SYN2: variants seen among roughly 807,000 people sequenced by gnomAD.
SYN2 encodes synapsin-2.
Under a neutral mutation model 50.9 loss-of-function variants are expected in SYN2, and 19 were observed. The observed-to-expected ratio is 0.37, with a 90% CI of 0.26 to 0.55. The LOEUF (loss-of-function observed/expected upper bound fraction) is 0.55. SYN2 is among the 20% of genes least tolerant of loss of function. SYN2 has a pLI of 0.81. For synonymous variants in SYN2, 255 were observed against 224.9 expected, an observed-to-expected ratio of 1.13 and a Z score of -1.20; for missense variants, 587 against 576.4, an observed-to-expected ratio of 1.02 and a Z score of -0.19.
chr3:12,059,604 G>A lies in SYN2; in HGVS notation c.377+54676G>A, dbSNP rs964818310. Among the ~76,000 whole-genome samples the A allele has an allele frequency of 2.6e-5, 4 of 151,886 alleles. No homozygotes were observed. The East Asian group carries it at 7.7e-4, about 29-fold the overall frequency. On this transcript the variant is annotated intron_variant, in intron 1 of 12. Transcript: ENST00000621198. ...TCTGGGTTTCTGAAAAACAACTCAG[G>A]GACATACGTTAAGATGTTATCTTTA...
In SYN2 at chr3:12,137,225, G is replaced by A. The variant is rs142925738; in HGVS notation, c.378-3426G>A. Among the ~76,000 whole-genome samples the A allele has an allele frequency of 2.3e-4, 34 of 147,040 alleles. No individual in the cohort carries two copies. In the East Asian group the frequency reaches 6.4e-3, roughly 28 times the overall value. ...ATTGCACCACTGCACTCTAGCCCGC[G>A]CAACAGAGCAAGATCCTGTCTCAAA... On this transcript the variant is annotated intron_variant, in intron 1 of 12. Coordinates refer to ENST00000621198, the MANE Select transcript of SYN2 (RefSeq NM_133625.6).
At chr3:12,031,906 A>G (rs1245057792) in intron 1 of SYN2, among the ~76,000 whole-genome samples, 3 of 125,636 alleles carry the variant, frequency 2.4e-5, no homozygotes, top group African/African-American at 8.4e-5. Flanking sequence ...GTTATGTGTG[A>G]ATTTGATCCT....
chr3:12,090,380 C>T lies in SYN2; in HGVS notation c.378-50271C>T, dbSNP rs955835140. On this transcript the variant is annotated intron_variant, in intron 1 of 12. Transcript: ENST00000621198. ...ATCCCATGGGAGCATCAAACACAAA[C>T]ACTAAGTTAATGTAACTTAGAGTAG... 2.3e-4 allele frequency among the ~76,000 whole-genome samples: 6 copies of T among 26,078 alleles called. No individual in the cohort carries two copies. The Admixed American group carries it at 2.6e-3, about 11-fold the overall frequency. 17.1% of individuals were successfully genotyped at this position (26,078 alleles called of 152,430 possible).
intron 1 of SYN2, among the ~76,000 whole-genome samples, chr3:12,067,522 G>A (rs996308860): frequency 4.6e-5 from 7 of 151,894 alleles, no homozygotes; most frequent in Admixed American, 1.3e-4. Context: ...TTAATTGGCC[G>A]GGTGTGGTGG....
At chr3:12,180,236 G>C (rs557485699) in intron 10 of SYN2, among the ~76,000 whole-genome samples, 1 of 127,108 alleles carries the variant, frequency 7.9e-6, no homozygotes, top group Admixed American at 9.2e-5. Flanking sequence ...GGCGTGAGCC[G>C]CACCCAGCTG....
intron 1 of SYN2, chr3:12,070,456 G>GCAT: frequency 6.9e-6 from 4 of 577,084 alleles, no homozygotes; most frequent in South Asian, 4.3e-5. Context: ...ATTGAGCGTG[G>GCAT]CATCGTCATC....
At chr3:12,023,904 G>A (rs1694199904) in intron 1 of SYN2, among the ~76,000 whole-genome samples, 1 of 152,110 alleles carries the variant, frequency 6.6e-6, no homozygotes, top group African/African-American at 2.4e-5. Context: ...TGTCTTGAGA[G>A]TGTAGTCCTG....
chr3:12,125,108 G>A (rs1327468970), intron 1 of SYN2, among the ~76,000 whole-genome samples: 2 of 151,774 alleles, frequency 1.3e-5, no homozygotes, highest in African/African-American at 2.4e-5. Context: ...TCCGCCTCCC[G>A]GGTTCAAGTG....
At chr3:12,134,117 T>C (rs1288271841) in intron 1 of SYN2, among the ~76,000 whole-genome samples, 7 of 152,236 alleles carry the variant, frequency 4.6e-5, no homozygotes, top group Admixed American at 4.6e-4. Flanking sequence ...GTTTTGCCAC[T>C]GTAAATCATA....
intron 10 of SYN2, among the ~76,000 whole-genome samples, chr3:12,178,256 C>T (rs1195172287): frequency 6.6e-6 from 1 of 152,184 alleles, no homozygotes; most frequent in Non-Finnish European, 1.5e-5. Flanking sequence ...TTTCCTGTCT[C>T]AGATATGCTG....
At chr3:12,113,451 G>A (rs1696367578) in intron 1 of SYN2, among the ~76,000 whole-genome samples, 1 of 152,024 alleles carries the variant, frequency 6.6e-6, no homozygotes, top group Admixed American at 6.6e-5. Flanking sequence ...TTAAAAAATT[G>A]AGGTACTATT....
At chr3:12,078,319 A>G (rs1574927695) in intron 1 of SYN2, among the ~76,000 whole-genome samples, 2 of 152,172 alleles carry the variant, frequency 1.3e-5, no homozygotes, top group Non-Finnish European at 2.9e-5. Context: ...TAGTTTAATT[A>G]TATCCCATTT....
intron 1 of SYN2, among the ~76,000 whole-genome samples, chr3:12,060,163 G>A (rs1695083279): frequency 6.6e-6 from 1 of 152,150 alleles, no homozygotes; most frequent in Admixed American, 6.5e-5. Context: ...GGTTGTTTAT[G>A]GGCTAGCTGG....
rs1273460968 is a variant in SYN2 at position 12,029,411 on chromosome 3, A to G, written c.377+24483A>G. Among the ~76,000 whole-genome samples, 18 of 126,910 alleles carry G rather than the reference A, an allele frequency of 1.4e-4. No homozygotes were observed. In the East Asian group the frequency reaches 1.8e-3, roughly 13 times the overall value. 83.3% of individuals were successfully genotyped at this position (126,910 alleles called of 152,430 possible). A position where few individuals can be genotyped will look rare whatever the true frequency, so the allele number is the denominator to read the frequency against. On this transcript the variant is annotated intron_variant, in intron 1 of 12. Transcript: ENST00000621198. Reference sequence around the variant, plus strand: ...TAAAGTAGTTTTTTCCAATTCTGTGAAGAAAGTCATTGGTAGCTTGATGGG... The same window carrying G: ...TAAAGTAGTTTTTTCCAATTCTGTGGAGAAAGTCATTGGTAGCTTGATGGG...
chr3:12,042,024 G>A (rs568133816), intron 1 of SYN2, among the ~76,000 whole-genome samples: 28 of 152,090 alleles, frequency 1.8e-4, no homozygotes, highest in Non-Finnish European at 4.0e-4. Flanking sequence ...AACATATATA[G>A]TAGTTTCCAA....
chr3:12,010,047 A>T (rs150562662), intron 1 of SYN2, among the ~76,000 whole-genome samples: 15 of 152,288 alleles, frequency 9.8e-5, no homozygotes, highest in Admixed American at 3.3e-4. Context: ...GTGAGCCGAG[A>T]TCGCACCACT....
intron 1 of SYN2, among the ~76,000 whole-genome samples, chr3:12,095,028 A>G (rs1048196649): frequency 4.6e-5 from 7 of 152,186 alleles, no homozygotes; most frequent in African/African-American, 1.7e-4. Context: ...GAAGAGAGAG[A>G]AAAGGCAAAG....
intron 1 of SYN2, among the ~76,000 whole-genome samples, chr3:12,086,789 C>T (rs998802735): frequency 6.6e-6 from 1 of 152,106 alleles, no homozygotes; most frequent in African/African-American, 2.4e-5. Context: ...AGCTTTTTCT[C>T]TAAGATCAGG....
At chr3:12,017,152 G>C (rs1694043187) in intron 1 of SYN2, among the ~76,000 whole-genome samples, 1 of 152,114 alleles carries the variant, frequency 6.6e-6, no homozygotes, top group Non-Finnish European at 1.5e-5. Flanking sequence ...CATCAGTAAT[G>C]AGTAAGATGT....
Sources: gnomAD v4.1 joint callset for allele counts (sites outside exome capture counted in the v4.1 genomes callset) on GRCh38, gnomAD v4.1.1 for gene constraint, MANE v1.5 for transcripts, NCBI Gene and HGNC (gene_info 2026-07-23, HGNC 2026-07-21) for gene names.